The following PDE10A variants were observed in gnomAD, a reference collection of about 807,000 sequenced individuals.
PDE10A encodes the protein phosphodiesterase 10A, also known as cAMP and cAMP-inhibited cGMP 3',5'-cyclic phosphodiesterase 10A.
A neutral mutation model predicts 97.7 loss-of-function variants in PDE10A; 39 were observed. The ratio of observed to expected loss-of-function variants is 0.40; its 90% CI spans 0.31 to 0.52. PDE10A has a LOEUF of 0.52. Ranked by LOEUF, PDE10A falls within the 20% of genes least tolerant of loss-of-function variation. PDE10A has a pLI of 0.56. For missense variants in PDE10A, 731 were observed against 1,047.8 expected, an observed-to-expected ratio of 0.70 and a Z score of 4.17; for synonymous variants, 371 against 376.8, an observed-to-expected ratio of 0.98 and a Z score of 0.18.
At chr6:165,752,905 T>G (rs372793500) in intron 1 of PDE10A, among the ~76,000 whole-genome samples, 1 of 152,226 alleles carries the variant, frequency 6.6e-6, no homozygotes, top group African/African-American at 2.4e-5. Context: ...ATGAATTACA[T>G]TTACCTGCAG....
At chr6:165,439,163 T>C (rs1237927355) in intron 5 of PDE10A, among the ~76,000 whole-genome samples, 1 of 152,110 alleles carries the variant, frequency 6.6e-6, no homozygotes, top group East Asian at 1.9e-4. Flanking sequence ...AAAAACCTTA[T>C]GCTATTTTCA....
At chr6:165,874,075 G>A (rs1781271778) in intron 1 of PDE10A, among the ~76,000 whole-genome samples, 1 of 152,194 alleles carries the variant, frequency 6.6e-6, no homozygotes, top group Non-Finnish European at 1.5e-5. Context: ...TGGTAGTATT[G>A]TAAGGGCAAA....
chr6:165,496,983 A>G (rs1274469529), intron 2 of PDE10A, among the ~76,000 whole-genome samples: 3 of 152,206 alleles, frequency 2.0e-5, no homozygotes. Flanking sequence ...ATCTGTGCTA[A>G]TAAACCCACT....
At chr6:165,546,937 G>C (rs150700967) in intron 1 of PDE10A, among the ~76,000 whole-genome samples, 1 of 151,980 alleles carries the variant, frequency 6.6e-6, no homozygotes, top group African/African-American at 2.4e-5. Flanking sequence ...ACAATATCCC[G>C]GTATAATTGC....
At chr6:165,743,281 A>G (rs2128453848) in intron 1 of PDE10A, among the ~76,000 whole-genome samples, 1 of 152,378 alleles carries the variant, frequency 6.6e-6, no homozygotes, top group East Asian at 1.9e-4. Flanking sequence ...AGTCATGCTT[A>G]GTGTTCCCAT....
At chr6:165,893,976 A>T (rs1583246058) in intron 1 of PDE10A, among the ~76,000 whole-genome samples, 1 of 152,152 alleles carries the variant, frequency 6.6e-6, no homozygotes. Context: ...CTGTGGCTGG[A>T]ACTCTCTTGG....
At chr6:165,487,575 G>T (rs531695737) in intron 2 of PDE10A, among the ~76,000 whole-genome samples, 1 of 152,294 alleles carries the variant, frequency 6.6e-6, no homozygotes, top group South Asian at 2.1e-4. Context: ...GTGCCAAAAG[G>T]TTGGGAACCG....
At chr6:165,367,044 AC>A (rs1461828207) in intron 18 of PDE10A, among the ~76,000 whole-genome samples, 1 of 152,114 alleles carries the variant, frequency 6.6e-6, no homozygotes, top group African/African-American at 2.4e-5. Flanking sequence ...CTCATAGAAA[AC>A]CCAGATAGTG....
chr6:165,924,586 A>T (rs974470279), intron 1 of PDE10A, among the ~76,000 whole-genome samples: 1 of 152,212 alleles, frequency 6.6e-6, no homozygotes, highest in Non-Finnish European at 1.5e-5. Context: ...GGTACAATTC[A>T]TGGTTTCCAT....
intron 13 of PDE10A, among the ~76,000 whole-genome samples, chr6:165,397,994 TTTAC>T (rs1215342814): frequency 2.6e-5 from 4 of 152,160 alleles, no homozygotes; most frequent in Non-Finnish European, 4.4e-5. Flanking sequence ...TTTTAAATAT[TTTAC>T]TTACTAAATA....
At chr6:165,337,526 T>C (rs1781721969) in intron 20 of PDE10A, among the ~76,000 whole-genome samples, 1 of 152,246 alleles carries the variant, frequency 6.6e-6, no homozygotes, top group Admixed American at 6.5e-5. Context: ...CTTATTCTAA[T>C]ATTTAACAGA....
At chr6:165,372,990 A>G (rs1449039923) in intron 18 of PDE10A, among the ~76,000 whole-genome samples, 3 of 146,874 alleles carry the variant, frequency 2.0e-5, no homozygotes, top group East Asian at 2.0e-4. Context: ...AGGATTCCCT[A>G]TTTAATAAAT....
At chr6:165,783,989 G>A (rs1351185458) in intron 1 of PDE10A, among the ~76,000 whole-genome samples, 1 of 152,144 alleles carries the variant, frequency 6.6e-6, no homozygotes, top group African/African-American at 2.4e-5. Context: ...GGAGGCCAAG[G>A]CAGGTGGATC....
At chr6:165,937,905 T>A (rs1252320468) in intron 1 of PDE10A, among the ~76,000 whole-genome samples, 1 of 152,172 alleles carries the variant, frequency 6.6e-6, no homozygotes, top group Non-Finnish European at 1.5e-5. Context: ...AAAGCCTAAA[T>A]TCAGGGCTCT....
intron 3 of PDE10A, among the ~76,000 whole-genome samples, chr6:165,457,475 A>G (rs567091678): frequency 1.7e-3 from 253 of 152,318 alleles, no homozygotes; most frequent in Non-Finnish European, 2.6e-3. Context: ...CTTCACAAAG[A>G]TAAGACCTGA....
chr6:165,496,172 T>C (rs949435030), intron 2 of PDE10A, among the ~76,000 whole-genome samples: 8 of 152,024 alleles, frequency 5.3e-5, no homozygotes, highest in Non-Finnish European at 1.2e-4. Flanking sequence ...GAGACGCAAG[T>C]GTGCCTGCCA....
intron 1 of PDE10A, among the ~76,000 whole-genome samples, chr6:165,795,106 A>G (rs1220016473): frequency 6.6e-6 from 1 of 152,184 alleles, no homozygotes; most frequent in Non-Finnish European, 1.5e-5. Context: ...TCTTCCCGGC[A>G]ATGGCTCCTG....
intron 1 of PDE10A, among the ~76,000 whole-genome samples, chr6:165,953,821 A>G (rs1353104739): frequency 6.6e-6 from 1 of 152,168 alleles, no homozygotes; most frequent in African/African-American, 2.4e-5. Flanking sequence ...CAGTAGTTCT[A>G]TGTACTTTAC....
chr6:165,455,899 G>C (rs1424110773), intron 3 of PDE10A, among the ~76,000 whole-genome samples: 1 of 152,106 alleles, frequency 6.6e-6, no homozygotes, highest in East Asian at 1.9e-4. Flanking sequence ...TCCAAGTCTT[G>C]TTCTTACCCA....
Sources: allele counts gnomAD v4.1 joint callset (sites outside exome capture counted in the v4.1 genomes callset), GRCh38; gene constraint gnomAD v4.1.1; transcripts MANE v1.5; gene names NCBI Gene and HGNC (gene_info 2026-07-23, HGNC 2026-07-21).